RPH3AL: variants seen among roughly 807,000 people sequenced by gnomAD.
The protein encoded by RPH3AL is rabphilin 3A like (without C2 domains).
In RPH3AL, 38 loss-of-function variants were observed where a neutral mutation model predicts 43.1. That is an observed-to-expected ratio of 0.88 (90% CI 0.68 to 1.15). The LOEUF is 1.15. Among genes scored for constraint, RPH3AL ranks in the 50% most tolerant of loss-of-function variants. The pLI, the probability that RPH3AL is intolerant of heterozygous loss-of-function variation, is 0.00. For missense variants in RPH3AL, 462 were observed against 423.2 expected, an observed-to-expected ratio of 1.09 and a Z score of -0.81; for synonymous variants, 189 against 176.3, an observed-to-expected ratio of 1.07 and a Z score of -0.57.
At chr17:247,598 G>C in intron 6 of RPH3AL, 1 of 331,498 alleles carries the variant, frequency 3.0e-6, no homozygotes, top group Non-Finnish European at 5.6e-6. Flanking sequence ...CGGTCCTCCT[G>C]CCTCAGTCTC....
rs965580982 is a variant in RPH3AL at position 274,077 on chromosome 17, C to T, written c.438+7691G>A. Among the ~76,000 whole-genome samples the T allele has an allele frequency of 4.6e-5, 7 of 152,178 alleles. No homozygotes were observed. The highest frequency in any genetic ancestry group is 7.2e-5 in the African/African-American group (3 of 41,442). On this transcript the variant is annotated intron_variant, in intron 6 of 9. Transcript: ENST00000331302. This position sits in a 1 kb window ranked among gnomAD's most constrained non-coding sequence, Gnocchi z 4.7. ...GCATCACTTTGAGTGAGTCATTCTTCGTTTTCGTTTAGTGGATAGGGATTC... is the reference window on the plus strand; with the variant it reads ...GCATCACTTTGAGTGAGTCATTCTTTGTTTTCGTTTAGTGGATAGGGATTC...
At chr17:331,961 C>CA in intron 2 of RPH3AL, 2 of 1,031,022 alleles carry the variant, frequency 1.9e-6, no homozygotes. Context: ...GGCAAACCCC[C>CA]AAATTCAGGA....
chr17:281,565 C>T (rs970760353), intron 6 of RPH3AL, among the ~76,000 whole-genome samples: 10 of 152,044 alleles, frequency 6.6e-5, no homozygotes, highest in African/African-American at 2.4e-4. Context: ...ACAGGCTGTC[C>T]CTCCGTGCTT....
chr17:285,404 T>A (rs1046323256), intron 5 of RPH3AL, among the ~76,000 whole-genome samples: 2 of 152,102 alleles, frequency 1.3e-5, no homozygotes, highest in Non-Finnish European at 2.9e-5. Context: ...CACCCTTGGG[T>A]TGTTTTGAGG....
In RPH3AL at chr17:309,340, G is replaced by A. The variant is rs111745892; in HGVS notation, c.351+10080C>T. ...GCTCTGTCCATGGCTTCCTGGCCTC[G>A]AGTCCCAGATACCAAACAGAGAGGG... On this transcript the variant is annotated intron_variant, in intron 5 of 9. Transcript: ENST00000331302. Among the ~76,000 whole-genome samples the A allele has an allele frequency of 2.5e-3, 387 of 152,222 alleles. 1 individual carries two copies. The highest frequency in any genetic ancestry group is 8.2e-3 in the African/African-American group (339 of 41,558).
intron 7 of RPH3AL, among the ~76,000 whole-genome samples, chr17:240,174 T>C (rs956604498): frequency 2.7e-5 from 4 of 150,540 alleles, no homozygotes; most frequent in African/African-American, 7.3e-5. Context: ...GAGGTGGAGG[T>C]TGCAGTGAGC....
At chr17:351,971 C>T (rs1031969422) in intron 1 of RPH3AL, among the ~76,000 whole-genome samples, 2 of 152,166 alleles carry the variant, frequency 1.3e-5, no homozygotes, top group Non-Finnish European at 2.9e-5. Context: ...GCGTACAGGC[C>T]GTGCTTACAT....
At chr17:293,840 C>T (rs1033708158) in intron 5 of RPH3AL, among the ~76,000 whole-genome samples, 5 of 151,918 alleles carry the variant, frequency 3.3e-5, no homozygotes, top group African/African-American at 1.2e-4. Context: ...ACCAACCTGG[C>T]CAACAAGGCG....
intron 2 of RPH3AL, chr17:331,660 A>G (rs1393300083): frequency 7.8e-7 from 1 of 1,287,880 alleles, no homozygotes; most frequent in South Asian, 1.2e-5. Flanking sequence ...AGGCTCCCTG[A>G]CTCGGCAGCA....
rs560148643 is a variant in RPH3AL, at chr17:318,634, C to T, written c.351+786G>A. On this transcript the variant is annotated intron_variant, in intron 5 of 9. Coordinates refer to ENST00000331302, the MANE Select transcript of RPH3AL (RefSeq NM_006987.4). Reference sequence around the variant, plus strand: ...TCCATATGATAGTATAATTAAGATGCTAACTATCTTGAGGATTAGAAGGCA... The same window carrying T: ...TCCATATGATAGTATAATTAAGATGTTAACTATCTTGAGGATTAGAAGGCA... Among the ~76,000 whole-genome samples, 12 of 152,092 alleles carry T rather than the reference C, an allele frequency of 7.9e-5. No individual in the cohort carries two copies. The East Asian group carries it at 1.9e-3, about 24-fold the overall frequency.
chr17:270,420 G>A (rs1392447566), intron 6 of RPH3AL, among the ~76,000 whole-genome samples: 5 of 152,232 alleles, frequency 3.3e-5, no homozygotes, highest in Admixed American at 2.6e-4. Context: ...GGCTGGGCTG[G>A]CTGCGGAGTT....
At chr17:270,140 G>A (rs2042427747) in intron 6 of RPH3AL, among the ~76,000 whole-genome samples, 1 of 152,140 alleles carries the variant, frequency 6.6e-6, no homozygotes, top group Non-Finnish European at 1.5e-5. Context: ...AGCCCAGAGT[G>A]AGGCAGGCAC....
chr17:314,647 G>C (rs1247593330), intron 5 of RPH3AL, among the ~76,000 whole-genome samples: 8 of 99,530 alleles, frequency 8.0e-5, no homozygotes, highest in South Asian at 3.0e-4. Flanking sequence ...TGTAGTCCCT[G>C]TGACTCCACC....
chr17:266,243 T>C (rs942137036), intron 6 of RPH3AL, among the ~76,000 whole-genome samples: 2 of 151,466 alleles, frequency 1.3e-5, no homozygotes, highest in Non-Finnish European at 3.0e-5. Flanking sequence ...TGCACCTGCA[T>C]GCATGCTGGT....
intron 5 of RPH3AL, among the ~76,000 whole-genome samples, chr17:294,202 T>C (rs1171730405): frequency 6.6e-6 from 1 of 151,380 alleles, no homozygotes; most frequent in Non-Finnish European, 1.5e-5. Context: ...GGAGTGCTGA[T>C]GGGATGAAGA....
rs533247591 is a variant in RPH3AL, at chr17:232,251, G to A, written c.614-12515C>T. ...AATTATTTGACCTCTCCATGACTTA[G>A]TTTCCTATTCTGTAAAATGGGACAA... On this transcript the variant is annotated intron_variant, in intron 7 of 9. Coordinates refer to ENST00000331302, the MANE Select transcript of RPH3AL (RefSeq NM_006987.4). Among the ~76,000 whole-genome samples, 7 of 152,290 alleles carry A rather than the reference G, an allele frequency of 4.6e-5. No individual in the cohort carries two copies. In the South Asian group the frequency reaches 1.4e-3, roughly 32 times the overall value.
At chr17:319,049 T>A (rs1418265553) in intron 5 of RPH3AL, among the ~76,000 whole-genome samples, 2 of 152,218 alleles carry the variant, frequency 1.3e-5, no homozygotes, top group African/African-American at 2.4e-5. Context: ...CATAGCATGG[T>A]GAGGTACATG....
chr17:324,702 G>GCTAGCTAT (rs1301592247), intron 3 of RPH3AL, among the ~76,000 whole-genome samples: 19 of 119,924 alleles, frequency 1.6e-4, no homozygotes, highest in Middle Eastern at 4.2e-3. Context: ...TAGCTAGCTA[G>GCTAGCTAT]CTATGTACCT....
At chr17:258,955 G>A (rs2042136268) in intron 6 of RPH3AL, among the ~76,000 whole-genome samples, 1 of 152,020 alleles carries the variant, frequency 6.6e-6, no homozygotes, top group South Asian at 2.1e-4. Flanking sequence ...TATCAAAAAA[G>A]CCCGTCAACT....
Sources: gnomAD v4.1 joint callset for allele counts (sites outside exome capture counted in the v4.1 genomes callset) on GRCh38, gnomAD v4.1.1 for gene constraint, Gnocchi (gnomAD v3.1) non-coding constraint, MANE v1.5 for transcripts, NCBI Gene and HGNC (gene_info 2026-07-23, HGNC 2026-07-21) for gene names.